ZFHX3: variants seen among roughly 807,000 people sequenced by gnomAD.
ZFHX3 encodes zinc finger homeobox 3.
ZFHX3 carries 42 observed loss-of-function variants against 279.1 expected under a neutral mutation model. That is an observed-to-expected ratio of 0.15 (90% CI 0.12 to 0.19). ZFHX3 has a LOEUF of 0.19. Ranked by LOEUF, ZFHX3 falls within the 10% of genes least tolerant of loss-of-function variation. ZFHX3 has a pLI of 1.00. For synonymous variants in ZFHX3, 2,293 were observed against 1,957.8 expected, an observed-to-expected ratio of 1.17 and a Z score of -4.52; for missense variants, 4,981 against 4,754.0, an observed-to-expected ratio of 1.05 and a Z score of -1.40.
At chr16:73,634,983 A>G (rs2052514866) in intron 2 of ZFHX3, among the ~76,000 whole-genome samples, 1 of 152,140 alleles carries the variant, frequency 6.6e-6, no homozygotes, top group Non-Finnish European at 1.5e-5. Flanking sequence ...AATATAATCC[A>G]TCTGCTTTTT....
intron 7 of ZFHX3, among the ~76,000 whole-genome samples, chr16:73,120,120 GT>G (rs1033170998): frequency 6.7e-6 from 1 of 149,358 alleles, no homozygotes; most frequent in African/African-American, 2.6e-5. Context: ...TTTTTTGTTT[GT>G]TTTTTTCACA....
intron 2 of ZFHX3, among the ~76,000 whole-genome samples, chr16:73,569,582 G>A (rs2051714136): frequency 1.3e-5 from 2 of 151,976 alleles, no homozygotes; most frequent in Non-Finnish European, 1.5e-5. Flanking sequence ...AGATTCACCT[G>A]CAGACTGAGC....
At chr16:73,232,906 G>A (rs1247826725) in intron 5 of ZFHX3, 2 of 152,050 alleles carry the variant, frequency 1.3e-5, no homozygotes, top group African/African-American at 2.4e-5. Flanking sequence ...GTGCTCTCCA[G>A]CTAATGAGAA....
chr16:73,493,053 C>T (rs2019080772), intron 2 of ZFHX3, among the ~76,000 whole-genome samples: 1 of 152,054 alleles, frequency 6.6e-6, no homozygotes, highest in South Asian at 2.1e-4. Flanking sequence ...TGGAATTATT[C>T]TTTCAATTTT....
chr16:73,553,384 T>C (rs1269076039), intron 2 of ZFHX3, among the ~76,000 whole-genome samples: 1 of 152,166 alleles, frequency 6.6e-6, no homozygotes, highest in Non-Finnish European at 1.5e-5. Context: ...GATAAAAATA[T>C]ACAGATTCCA....
At chr16:73,598,412 A>G (rs1345526975) in intron 2 of ZFHX3, among the ~76,000 whole-genome samples, 1 of 149,762 alleles carries the variant, frequency 6.7e-6, no homozygotes, top group Non-Finnish European at 1.5e-5. Flanking sequence ...CTAGAATACC[A>G]TTCTTTTTAT....
intron 2 of ZFHX3, among the ~76,000 whole-genome samples, chr16:73,568,600 A>G (rs2020482632): frequency 6.6e-6 from 1 of 152,168 alleles, no homozygotes; most frequent in Admixed American, 6.5e-5. Flanking sequence ...ACAGTTGGAC[A>G]AGAAAGGGGA....
chr16:73,272,218 C>T (rs775879983), intron 4 of ZFHX3, among the ~76,000 whole-genome samples: 9 of 152,152 alleles, frequency 5.9e-5, no homozygotes, highest in East Asian at 3.8e-4. Flanking sequence ...CTTTCACTGA[C>T]GGCATGTGAT....
chr16:73,440,144 C>T (rs2018064968), intron 3 of ZFHX3, among the ~76,000 whole-genome samples: 1 of 152,172 alleles, frequency 6.6e-6, no homozygotes, highest in Admixed American at 6.5e-5. Flanking sequence ...TGCCTGGCAG[C>T]ACCCCATCTG....
At chr16:73,341,256 G>T (rs945295036) in intron 3 of ZFHX3, among the ~76,000 whole-genome samples, 1 of 152,136 alleles carries the variant, frequency 6.6e-6, no homozygotes, top group South Asian at 2.1e-4. Context: ...CAGGAGAATT[G>T]TTTGAGCCTG....
rs776502313 is a variant in ZFHX3 at position 72,811,577 on chromosome 16, C to T, written c.3864G>A (p.Thr1288=). The change falls in exon 7 of 10, where the codon ACG becomes ACA. Residue 1288 remains threonine (T), a splice_region_variant and synonymous_variant. Transcript: ENST00000268489. ...APDCVEKLIM[T]VTTPEMVMPS... ...AGGGTGCTGCTCCTGGCTGCCTTACCGTCATAATGAGCTTCTCCACGCAGT... is the reference window on the plus strand; with the variant it reads ...AGGGTGCTGCTCCTGGCTGCCTTACTGTCATAATGAGCTTCTCCACGCAGT... 4 of 1,581,658 alleles carry T rather than the reference C, an allele frequency of 2.5e-6. No homozygotes were observed. The highest frequency in any genetic ancestry group is 2.7e-5 in the African/African-American group (2 of 74,528).
intron 4 of ZFHX3, among the ~76,000 whole-genome samples, chr16:72,850,598 G>T: frequency 6.6e-6 from 1 of 152,090 alleles, no homozygotes; most frequent in South Asian, 2.1e-4. Context: ...GGTAGAGCTG[G>T]ACTACTGATG....
intron 3 of ZFHX3, among the ~76,000 whole-genome samples, chr16:73,393,876 T>G (rs1352250580): frequency 6.7e-6 from 1 of 148,764 alleles, no homozygotes; most frequent in Admixed American, 6.7e-5. Flanking sequence ...ATTATATATA[T>G]ATATATCTCA....
At chr16:73,735,902 T>G (rs1204201616) in intron 1 of ZFHX3, among the ~76,000 whole-genome samples, 5 of 149,644 alleles carry the variant, frequency 3.3e-5, no homozygotes, top group Admixed American at 2.0e-4. Flanking sequence ...TTTTTTTTTT[T>G]TTTTTTTTTT....
intron 5 of ZFHX3, among the ~76,000 whole-genome samples, chr16:73,237,150 C>T (rs574891213): frequency 6.6e-6 from 1 of 152,318 alleles, no homozygotes; most frequent in South Asian, 2.1e-4. Context: ...TAAGAGACAG[C>T]TGCAGGTCTT....
chr16:73,799,297 A>T (rs957269639), intron 1 of ZFHX3, among the ~76,000 whole-genome samples: 2 of 152,202 alleles, frequency 1.3e-5, no homozygotes, highest in African/African-American at 2.4e-5. Flanking sequence ...TGAACATGGG[A>T]AGATGCTATA....
chr16:73,272,067 GA>G (rs1400400499), intron 4 of ZFHX3, among the ~76,000 whole-genome samples: 1 of 152,156 alleles, frequency 6.6e-6, no homozygotes, highest in Non-Finnish European at 1.5e-5. Flanking sequence ...CAGCCTATGG[GA>G]TAACATTCAT....
intron 2 of ZFHX3, among the ~76,000 whole-genome samples, chr16:73,521,609 T>C (rs16972097): frequency 5.9e-5 from 9 of 152,050 alleles, no homozygotes; most frequent in African/African-American, 1.7e-4. Context: ...TAGAGGCCGT[T>C]GTGAGAAAAT....
At chr16:72,965,848 G>A (rs1961809680) in intron 1 of ZFHX3, among the ~76,000 whole-genome samples, 1 of 152,110 alleles carries the variant, frequency 6.6e-6, no homozygotes, top group Admixed American at 6.6e-5. Flanking sequence ...TTTAGGGGTG[G>A]GATGATCCTG....
Sources: gnomAD v4.1 joint callset for allele counts (sites outside exome capture counted in the v4.1 genomes callset) on GRCh38, gnomAD v4.1.1 for gene constraint, MANE v1.5 for transcripts, NCBI Gene and HGNC (gene_info 2026-07-23, HGNC 2026-07-21) for gene names.